The following ABCB1 variants were observed in gnomAD, a reference collection of about 807,000 sequenced individuals.
ABCB1 encodes ATP binding cassette subfamily B member 1.
ABCB1 carries 69 observed loss-of-function variants against 142.0 expected under a neutral mutation model. The ratio of observed to expected loss-of-function variants is 0.49; its 90% CI spans 0.40 to 0.59. The LOEUF is 0.59. Among genes scored for constraint, ABCB1 ranks in the 20% least tolerant of loss-of-function variants. The pLI, the probability that ABCB1 is intolerant of heterozygous loss-of-function variation, is 0.00. For missense variants in ABCB1, 1,326 were observed against 1,554.7 expected, an observed-to-expected ratio of 0.85 and a Z score of 2.47; for synonymous variants, 532 against 539.2, an observed-to-expected ratio of 0.99 and a Z score of 0.18.
intron 21 of ABCB1, among the ~76,000 whole-genome samples, chr7:87,525,426 T>C (rs925725273): frequency 4.6e-5 from 7 of 152,106 alleles, no homozygotes; most frequent in African/African-American, 1.7e-4. Flanking sequence ...CCTCGTGCAG[T>C]TGAAAATTCA....
chr7:87,647,487 C>T (rs1207762896), intron 1 of ABCB1, among the ~76,000 whole-genome samples: 1 of 152,084 alleles, frequency 6.6e-6, no homozygotes, highest in Non-Finnish European at 1.5e-5. Flanking sequence ...GTAAACATTG[C>T]TACATTTTTC....
At chr7:87,644,916 T>G (rs1347712163) in intron 1 of ABCB1, among the ~76,000 whole-genome samples, 1 of 152,006 alleles carries the variant, frequency 6.6e-6, no homozygotes, top group Non-Finnish European at 1.5e-5. Context: ...ATAATTATGT[T>G]ACAAATCTAT....
At chr7:87,518,219 G>A (rs569513799) in intron 23 of ABCB1, among the ~76,000 whole-genome samples, 4 of 152,244 alleles carry the variant, frequency 2.6e-5, no homozygotes, top group East Asian at 1.9e-4. Flanking sequence ...ATAAAATACC[G>A]ATAGTTAATC....
intron 1 of ABCB1, among the ~76,000 whole-genome samples, chr7:87,681,984 A>C (rs920608766): frequency 1.1e-4 from 16 of 152,206 alleles, no homozygotes; most frequent in Non-Finnish European, 4.4e-5. Flanking sequence ...ATACTCTCAA[A>C]CCCTGCCACT....
intron 23 of ABCB1, 63 bp from the exon 24 acceptor site, chr7:87,516,728 CT>C: frequency 1.9e-6 from 2 of 1,030,388 alleles, no homozygotes; most frequent in South Asian, 1.5e-5. Context: ...AAAGCTGACA[CT>C]CCTTTTTTTT....
chr7:87,581,597 G>A (rs1224063923), intron 4 of ABCB1, among the ~76,000 whole-genome samples: 1 of 152,110 alleles, frequency 6.6e-6, no homozygotes, highest in Non-Finnish European at 1.5e-5. Context: ...CAGGAAATCT[G>A]GTCCACAGTA....
At chr7:87,608,249 A>G (rs1584919898) in intron 1 of ABCB1, among the ~76,000 whole-genome samples, 3 of 152,218 alleles carry the variant, frequency 2.0e-5, no homozygotes, top group African/African-American at 7.2e-5. Context: ...GCTGCAACTA[A>G]AACTCCTTAC....
At chr7:87,608,584 G>A (rs1421330532) in intron 1 of ABCB1, among the ~76,000 whole-genome samples, 1 of 152,152 alleles carries the variant, frequency 6.6e-6, no homozygotes, top group Non-Finnish European at 1.5e-5. Flanking sequence ...CAGCACTGAG[G>A]AATTCCTGAC....
chr7:87,557,064 A>G (rs2129752690), intron 8 of ABCB1, among the ~76,000 whole-genome samples: 1 of 152,106 alleles, frequency 6.6e-6, no homozygotes. Flanking sequence ...GCCTGCCCCA[A>G]CCACCGTATT....
At chr7:87,510,599 A>G (rs1437074002) in intron 25 of ABCB1, among the ~76,000 whole-genome samples, 1 of 152,250 alleles carries the variant, frequency 6.6e-6, no homozygotes, top group African/African-American at 2.4e-5. Context: ...CTTTTCTAAT[A>G]GTAGTGACTA....
chr7:87,563,513 T>C (rs1817659760), intron 7 of ABCB1: 1 of 289,624 alleles, frequency 3.5e-6, no homozygotes, highest in Non-Finnish European at 7.1e-6. Flanking sequence ...GCTCAACAGA[T>C]GTAAATCAAT....
intron 1 of ABCB1, among the ~76,000 whole-genome samples, chr7:87,619,631 T>G (rs1820152280): frequency 6.6e-6 from 1 of 151,960 alleles, no homozygotes; most frequent in Non-Finnish European, 1.5e-5. Context: ...TTGACACAGG[T>G]AAATATACTT....
In ABCB1 at chr7:87,626,407, G is replaced by A. The variant is rs536228878; in HGVS notation, c.-330-25329C>T. ...TGTCATATATATGTGTCATATGTAT[G>A]TGTCATATATATGTGTCATATGTAT... is the stretch of plus-strand genomic sequence containing the variant. On this transcript the variant is annotated intron_variant, in intron 1 of 28. Coordinates refer to the ABCB1 transcript ENST00000265724. Among the ~76,000 whole-genome samples, 41 of 23,114 alleles carry A rather than the reference G, an allele frequency of 1.8e-3. 16 individuals carry two copies. The highest frequency in any genetic ancestry group is 1.9e-3 in the Non-Finnish European group (32 of 16,666). The allele number at this position is 23,114 out of a possible 152,430, so 15.2% of individuals were successfully genotyped here. A position where few individuals can be genotyped will look rare whatever the true frequency, so the allele number is the denominator to read the frequency against.
intron 21 of ABCB1, among the ~76,000 whole-genome samples, chr7:87,526,085 C>T (rs1032652184): frequency 5.9e-5 from 9 of 151,916 alleles, no homozygotes; most frequent in Non-Finnish European, 1.2e-4. Context: ...AAGTCATCTT[C>T]TGTTAATTCC....
chr7:87,555,680 C>G (rs1014605617), intron 8 of ABCB1, among the ~76,000 whole-genome samples: 2 of 152,120 alleles, frequency 1.3e-5, no homozygotes, highest in Admixed American at 6.5e-5. Context: ...ATCATCTGAA[C>G]AGAAAAATTA....
intron 21 of ABCB1, among the ~76,000 whole-genome samples, chr7:87,523,053 T>C (rs963674976): frequency 4.6e-5 from 7 of 152,202 alleles, no homozygotes; most frequent in African/African-American, 1.7e-4. Context: ...CCATATTGAA[T>C]TGGTTTATTA....
intron 21 of ABCB1, among the ~76,000 whole-genome samples, chr7:87,529,941 T>C (rs1815957126): frequency 6.6e-6 from 1 of 152,178 alleles, no homozygotes; most frequent in Admixed American, 6.5e-5. Flanking sequence ...TCCGGGAGCC[T>C]GATAGGATGC....
intron 1 of ABCB1, among the ~76,000 whole-genome samples, chr7:87,647,148 G>A (rs947196517): frequency 4.6e-5 from 7 of 152,172 alleles, no homozygotes; most frequent in African/African-American, 1.7e-4. Context: ...TTTCATAGGA[G>A]AGTTATTTCA....
chr7:87,675,464 T>C (rs1194456895), intron 1 of ABCB1, among the ~76,000 whole-genome samples: 5 of 151,858 alleles, frequency 3.3e-5, no homozygotes, highest in Non-Finnish European at 5.9e-5. Context: ...GTTACAATGC[T>C]ATAGTAATTG....
Sources: gnomAD v4.1 joint callset for allele counts (sites outside exome capture counted in the v4.1 genomes callset) on GRCh38, gnomAD v4.1.1 for gene constraint, MANE v1.5 for transcripts, NCBI Gene and HGNC (gene_info 2026-07-23, HGNC 2026-07-21) for gene names.